SLC2A9: variants seen among roughly 807,000 people sequenced by gnomAD.
SLC2A9 encodes the protein solute carrier family 2, facilitated glucose transporter member 9.
Under a neutral mutation model 50.6 loss-of-function variants are expected in SLC2A9, and 39 were observed. That is an observed-to-expected ratio of 0.77 (90% confidence interval 0.60 to 1.01). SLC2A9 has a LOEUF of 1.01. Among genes scored for constraint, SLC2A9 ranks in the 50% least tolerant of loss-of-function variants. The pLI, the probability that SLC2A9 is intolerant of heterozygous loss-of-function variation, is 0.00. For missense variants in SLC2A9, 686 were observed against 677.6 expected, an observed-to-expected ratio of 1.01 and a Z score of -0.14; for synonymous variants, 324 against 276.9, an observed-to-expected ratio of 1.17 and a Z score of -1.69.
chr4:10,019,020 G>T lies in SLC2A9; in HGVS notation c.204C>A (p.Ser68=), dbSNP rs1175001201. ...VASLAGAFGS[S]FLYGYNLSVV... The stretch of plus-strand genomic sequence containing the variant: ...CCGACAGGTTGTAGCCGTAGAGGAA[G>T]GAGGAGCCGAAGGCGCCCGCGAGGG... Residue 68 remains serine, a synonymous_variant, in exon 2 of 12, where the codon TCC becomes TCA. Transcript: ENST00000264784. 6.4e-7 allele frequency: 1 copy of T among 1,550,924 alleles called. No individual in the cohort carries two copies. The highest frequency in any genetic ancestry group is 1.2e-5 in the South Asian group (1 of 84,034).
intron 8 of SLC2A9, among the ~76,000 whole-genome samples, chr4:9,900,769 CT>C (rs1560269344): frequency 6.6e-6 from 1 of 152,134 alleles, no homozygotes; most frequent in African/African-American, 2.4e-5. Context: ...CAAACTCATC[CT>C]TCTTCATGTG....
intron 3 of SLC2A9, among the ~76,000 whole-genome samples, chr4:9,818,454 G>T (rs1258742889): frequency 6.6e-6 from 1 of 152,240 alleles, no homozygotes; most frequent in Non-Finnish European, 1.5e-5. Flanking sequence ...AGCGGAGACA[G>T]CTTGAACTCA....
rs146695904 is a variant in SLC2A9 at position 10,001,540 on chromosome 4, T to C, written c.250-4599A>G. ...CAGTCACTCAGTCCGTGGTACTTTGTTACAGCAGCTCTAGAAAAGTAATAT... is the reference window on the plus strand; with the variant it reads ...CAGTCACTCAGTCCGTGGTACTTTGCTACAGCAGCTCTAGAAAAGTAATAT... On this transcript the variant is annotated intron_variant, in intron 2 of 11. Transcript: ENST00000264784. Among the ~76,000 whole-genome samples, 26 of 152,322 alleles carry C rather than the reference T, an allele frequency of 1.7e-4. No individual in the cohort carries two copies. The South Asian group carries it at 2.9e-3, about 17-fold the overall frequency.
rs1718753345 is a variant in SLC2A9, at chr4:9,783,269, A to G, written n.386-3204T>C. On this transcript the variant is annotated intron_variant and non_coding_transcript_variant, in intron 3 of 3. Transcript: ENST00000503803. ...AATCGCAGCTGCCTACATCCACATGATGCCCAACGCCGTTACCCCCGGCAA... is the reference window on the plus strand; with the variant it reads ...AATCGCAGCTGCCTACATCCACATGGTGCCCAACGCCGTTACCCCCGGCAA... 5.0e-6 allele frequency: 8 copies of G among 1,614,184 alleles called. No homozygotes were observed. In the East Asian group the frequency reaches 1.8e-4, roughly 36 times the overall value.
chr4:9,970,534 T>C lies in SLC2A9; in HGVS notation c.681+10058A>G, dbSNP rs552967076. Among the ~76,000 whole-genome samples, 12 of 152,236 alleles carry C rather than the reference T, an allele frequency of 7.9e-5. 1 individual carries two copies. The East Asian group carries it at 1.7e-3, about 22-fold the overall frequency. ...GTCTGGGTGGGGAAAGCTTATAGCC[T>C]GTGGCAGTTTTGAGTTCTCAGTGCA... On this transcript the variant is annotated intron_variant, in intron 5 of 11. Coordinates refer to ENST00000264784, the MANE Select transcript of SLC2A9 (RefSeq NM_020041.3).
chr4:9,828,916 G>A (rs59574200), intron 11 of SLC2A9, among the ~76,000 whole-genome samples: 23,083 of 152,076 alleles, frequency 0.15, 2,292 homozygotes, highest in African/African-American at 0.28. Flanking sequence ...TACAGTAGAT[G>A]CTCTGAGTAT....
intron 10 of SLC2A9, among the ~76,000 whole-genome samples, chr4:9,837,356 C>T (rs1727270984): frequency 6.6e-6 from 1 of 152,164 alleles, no homozygotes; most frequent in Admixed American, 6.5e-5. Context: ...ATTTCATTGT[C>T]AGAAAGTGTT....
At chr4:9,864,413 C>T (rs1168640117) in intron 10 of SLC2A9, among the ~76,000 whole-genome samples, 10 of 152,186 alleles carry the variant, frequency 6.6e-5, no homozygotes, top group African/African-American at 1.9e-4. Flanking sequence ...TCTCCAAGGG[C>T]GATTCCATCA....
intron 10 of SLC2A9, among the ~76,000 whole-genome samples, chr4:9,886,085 A>T (rs1229395641): frequency 6.6e-6 from 1 of 151,578 alleles, no homozygotes; most frequent in Non-Finnish European, 1.5e-5. Context: ...CTGGTTTTAG[A>T]ATAAGTGGCC....
intron 11 of SLC2A9, among the ~76,000 whole-genome samples, chr4:9,830,301 G>C (rs1560163280): frequency 6.6e-6 from 1 of 152,192 alleles, no homozygotes; most frequent in Non-Finnish European, 1.5e-5. Context: ...CTTATAAGTG[G>C]GAGCTGAACA....
At chr4:9,814,318 A>T (rs573987814) in intron 3 of SLC2A9, among the ~76,000 whole-genome samples, 1 of 152,344 alleles carries the variant, frequency 6.6e-6, no homozygotes, top group East Asian at 1.9e-4. Flanking sequence ...TACCTAGCAC[A>T]AGCATAAAGT....
At chr4:9,992,282 T>G (rs1449710727) in intron 3 of SLC2A9, among the ~76,000 whole-genome samples, 3 of 152,242 alleles carry the variant, frequency 2.0e-5, no homozygotes, top group Non-Finnish European at 4.4e-5. Flanking sequence ...ATGTGCTTTT[T>G]TAAAAGCACT....
intron 9 of SLC2A9, among the ~76,000 whole-genome samples, chr4:9,889,389 G>C (rs1736927148): frequency 6.6e-6 from 1 of 152,174 alleles, no homozygotes; most frequent in South Asian, 2.1e-4. Context: ...GTGGGCTTCA[G>C]GCTTTCCTTT....
chr4:9,982,858 T>C (rs1436819617), intron 4 of SLC2A9, among the ~76,000 whole-genome samples: 1 of 152,164 alleles, frequency 6.6e-6, no homozygotes. Context: ...CATCGTTTAT[T>C]TTATTTATTT....
rs143245597 is a variant in SLC2A9, at chr4:9,868,522, T to C, written c.1291+19045A>G. ...AATGCTATCCACCCATTTATTTCAA[T>C]TGGGTACCTGCACCTTCATAAAATG... On this transcript the variant is annotated intron_variant, in intron 10 of 11. Coordinates refer to ENST00000264784, the MANE Select transcript of SLC2A9 (RefSeq NM_020041.3). 3.0e-3 allele frequency among the ~76,000 whole-genome samples: 460 copies of C among 152,332 alleles called. 6 individuals carry two copies. The highest frequency in any genetic ancestry group is 0.011 in the African/African-American group (439 of 41,584).
chr4:9,821,772 C>A (rs1724434631), downstream of SLC2A9, among the ~76,000 whole-genome samples: 1 of 152,164 alleles, frequency 6.6e-6, no homozygotes, highest in South Asian at 2.1e-4. Flanking sequence ...AGTTAGGAAG[C>A]ATTTCTCCCT....
chr4:10,035,769 C>T (rs4485819), intron 1 of SLC2A9: 118,409 of 152,096 alleles, frequency 0.78, 46,445 homozygotes, highest in Non-Finnish European at 0.82. Flanking sequence ...AAAGGCATTT[C>T]TTTTGTTTGT....
chr4:10,033,309 T>C (rs13146686), intron 1 of SLC2A9, among the ~76,000 whole-genome samples: 81,149 of 151,886 alleles, frequency 0.53, 22,948 homozygotes, highest in East Asian at 0.89. Context: ...CCTGTCTCCA[T>C]TGGAGGCTCA....
chr4:10,017,428 A>C (rs993537706), intron 2 of SLC2A9, among the ~76,000 whole-genome samples: 1 of 152,252 alleles, frequency 6.6e-6, no homozygotes, highest in Non-Finnish European at 1.5e-5. Flanking sequence ...ACAATGACAA[A>C]ATCAAAGATC....
Sources: allele counts gnomAD v4.1 joint callset (sites outside exome capture counted in the v4.1 genomes callset), GRCh38; gene constraint gnomAD v4.1.1; transcripts MANE v1.5; gene names NCBI Gene and HGNC (gene_info 2026-07-23, HGNC 2026-07-21).